Variants in ETV5 observed in about 807,000 individuals in gnomAD.
The protein encoded by ETV5 is ETS variant transcription factor 5, also known as ETS translocation variant 5.
Under a neutral mutation model 70.0 loss-of-function variants are expected in ETV5, and 10 were observed. That is an observed-to-expected ratio of 0.14 (90% CI 0.09 to 0.24). The LOEUF is 0.24. ETV5 is among the 10% of genes least tolerant of loss of function. ETV5 has a pLI of 1.00. For missense variants in ETV5, 453 were observed against 651.2 expected, an observed-to-expected ratio of 0.70 and a Z score of 3.31; for synonymous variants, 216 against 242.2, an observed-to-expected ratio of 0.89 and a Z score of 1.01.
intron 7 of ETV5, among the ~76,000 whole-genome samples, 190 bp from the exon 8 acceptor site, chr3:186,066,262 C>CA (rs10681607): frequency 0.014 from 1,319 of 94,882 alleles, 39 homozygotes; most frequent in African/African-American, 0.042. Flanking sequence ...CAGGAAGTGG[C>CA]AAAAAAAAAA....
chr3:186,094,449 T>A (rs1214694168), intron 5 of ETV5, among the ~76,000 whole-genome samples: 2 of 152,218 alleles, frequency 1.3e-5, no homozygotes, highest in African/African-American at 4.8e-5. Context: ...TGATTTTTTT[T>A]GACCCAGATG....
intron 5 of ETV5, among the ~76,000 whole-genome samples, chr3:186,090,840 G>A (rs1413430741): frequency 1.3e-5 from 2 of 152,214 alleles, no homozygotes; most frequent in Non-Finnish European, 2.9e-5. Flanking sequence ...CTGGAAATAG[G>A]TGGCCTATGC....
chr3:186,108,076 CATA>C (rs962871065), intron 1 of ETV5, among the ~76,000 whole-genome samples: 6 of 151,992 alleles, frequency 3.9e-5, no homozygotes, highest in African/African-American at 1.4e-4. Flanking sequence ...CACCCACATT[CATA>C]AAAACGAGGT....
intron 1 of ETV5, among the ~76,000 whole-genome samples, chr3:186,107,746 G>C (rs1231816361): frequency 1.3e-5 from 2 of 151,832 alleles, no homozygotes; most frequent in East Asian, 3.9e-4. Flanking sequence ...CCTGTGGCGC[G>C]CAGCGGGCCC....
At chr3:186,053,904 C>G (rs927857120) in intron 11 of ETV5, among the ~76,000 whole-genome samples, 3 of 152,186 alleles carry the variant, frequency 2.0e-5, no homozygotes, top group Non-Finnish European at 4.4e-5. Context: ...TAATTGCTGT[C>G]TGCCACAAGT....
chr3:186,081,765 A>G (rs1363978365), intron 5 of ETV5, among the ~76,000 whole-genome samples: 1 of 152,272 alleles, frequency 6.6e-6, no homozygotes, highest in Admixed American at 6.5e-5. Flanking sequence ...GAATAAAACA[A>G]CAGACCAATC....
chr3:186,082,353 T>C (rs187093064), intron 5 of ETV5, among the ~76,000 whole-genome samples: 2 of 152,302 alleles, frequency 1.3e-5, no homozygotes, highest in Non-Finnish European at 2.9e-5. Flanking sequence ...CAATGTTTAC[T>C]CCTAAAACAT....
rs1192595802 is a variant in ETV5 at position 186,054,239 on chromosome 3, G to C, written c.1210-2108C>G. 6.6e-6 allele frequency among the ~76,000 whole-genome samples: 1 copy of C among 152,216 alleles called. No homozygotes were observed. Among genetic ancestry groups the C allele is most frequent in the African/African-American group, 2.4e-5 (1 of 41,454 alleles). ...CCCCTCTTCTGGGACTGGGGAGGCA[G>C]GCAATAGCTTGTCATCAGATCTTTC... On this transcript the variant is annotated intron_variant, in intron 11 of 12. Coordinates refer to ENST00000306376, the MANE Select transcript of ETV5 (RefSeq NM_004454.3). This position sits in a 1 kb window ranked among gnomAD's most constrained non-coding sequence, Gnocchi z 4.4.
chr3:186,108,581 C>G (rs948865697), intron 1 of ETV5: 2 of 1,249,340 alleles, frequency 1.6e-6, no homozygotes, highest in African/African-American at 3.1e-5. Flanking sequence ...CGCGAGCCTC[C>G]AAGTCCCCTC....
rs1009330644 is a variant in ETV5, at chr3:186,109,027, G to T, written c.-162C>A. On this transcript the variant is annotated 5_prime_UTR_variant, in exon 1 of 13. Coordinates refer to ENST00000306376, the MANE Select transcript of ETV5 (RefSeq NM_004454.3). ...GCGCAGCGGGCCTGGGCGCCTGGGC[G>T]AAAGGCTGGGCCGAACCGCTCCGAA... The T allele has an allele frequency of 1.3e-5, 2 of 153,210 alleles. No homozygotes were observed. The highest frequency in any genetic ancestry group is 4.8e-5 in the African/African-American group (2 of 41,452). 9.5% of individuals were successfully genotyped at this position (153,210 alleles called of 1,614,324 possible).
intron 7 of ETV5, among the ~76,000 whole-genome samples, chr3:186,075,789 C>T (rs138373582): frequency 6.6e-6 from 1 of 152,320 alleles, no homozygotes; most frequent in East Asian, 1.9e-4. Flanking sequence ...GGTACAGGAG[C>T]ATTTTCTTAA....
At chr3:186,060,179 GTTC>G (rs1416031863) in intron 9 of ETV5, among the ~76,000 whole-genome samples, 2 of 152,120 alleles carry the variant, frequency 1.3e-5, no homozygotes, top group East Asian at 1.9e-4. Context: ...TATTTTCAGA[GTTC>G]TTCTCCTCTA....
At chr3:186,056,396 A>C (rs1166656632) in intron 11 of ETV5, among the ~76,000 whole-genome samples, 1 of 152,000 alleles carries the variant, frequency 6.6e-6, no homozygotes, top group African/African-American at 2.4e-5. Flanking sequence ...TGCCTAGCTA[A>C]TTTTTTATTA....
intron 7 of ETV5, chr3:186,079,131 A>G (rs1713869367): frequency 1.9e-6 from 2 of 1,045,038 alleles, no homozygotes; most frequent in Non-Finnish European, 2.3e-6. Context: ...CATCTTCTAT[A>G]AAAGAAGGCC....
chr3:186,070,237 T>G (rs112549551), intron 7 of ETV5, among the ~76,000 whole-genome samples: 2,800 of 152,312 alleles, frequency 0.018, 86 homozygotes, highest in African/African-American at 0.065. Context: ...CCTTCGAAGG[T>G]GACCTCCAGA....
chr3:186,101,129 A>G (rs1051707000), intron 5 of ETV5, among the ~76,000 whole-genome samples: 1 of 152,262 alleles, frequency 6.6e-6, no homozygotes, highest in African/African-American at 2.4e-5. Context: ...TCCCTGGTTT[A>G]GCCGCTCTAT....
intron 7 of ETV5, chr3:186,078,062 C>T: frequency 9.5e-7 from 1 of 1,056,182 alleles, no homozygotes; most frequent in Non-Finnish European, 1.1e-6. Context: ...CCCAGGAATC[C>T]AAAACTCCTT....
intron 12 of ETV5, among the ~76,000 whole-genome samples, chr3:186,051,757 A>G (rs1175835565): frequency 6.6e-6 from 1 of 152,186 alleles, no homozygotes; most frequent in Non-Finnish European, 1.5e-5. Flanking sequence ...TTCTATATAT[A>G]GAAGCAGTTT....
chr3:186,060,619 A>G (rs1713280848), intron 9 of ETV5, among the ~76,000 whole-genome samples: 2 of 152,210 alleles, frequency 1.3e-5, no homozygotes, highest in African/African-American at 2.4e-5. Flanking sequence ...TTTCACAGGC[A>G]TCTGTGGTCA....
Sources: gnomAD v4.1 joint callset for allele counts (sites outside exome capture counted in the v4.1 genomes callset) on GRCh38, gnomAD v4.1.1 for gene constraint, Gnocchi (gnomAD v3.1) non-coding constraint, MANE v1.5 for transcripts, NCBI Gene and HGNC (gene_info 2026-07-23, HGNC 2026-07-21) for gene names.